Variants in SHROOM4 observed in about 807,000 individuals in gnomAD.
SHROOM4 encodes the protein protein Shroom4.
A neutral mutation model predicts 80.3 loss-of-function variants in SHROOM4; 17 were observed. The observed-to-expected ratio is 0.21, with a 90% confidence interval of 0.14 to 0.32. SHROOM4 has a LOEUF of 0.32. Ranked by LOEUF, SHROOM4 falls within the 10% of genes least tolerant of loss-of-function variation. The probability of loss-of-function intolerance (pLI) is 1.00; values close to 1 mark genes in which losing one functional copy is unlikely to be tolerated. For missense variants in SHROOM4, 993 were observed against 1,140.3 expected, an observed-to-expected ratio of 0.87 and a Z score of 1.86; for synonymous variants, 400 against 437.5, an observed-to-expected ratio of 0.91 and a Z score of 1.07.
intron 1 of SHROOM4, among the ~76,000 whole-genome samples, chrX:50,763,017 C>A (rs975228239): frequency 1.8e-5 from 2 of 111,272 alleles, no homozygotes; most frequent in Admixed American, 9.6e-5. Context: ...CCTTGCAGTA[C>A]TTTTATCATG....
chrX:50,711,884 C>T (rs1290103962), intron 1 of SHROOM4, among the ~76,000 whole-genome samples: 1 of 112,473 alleles, frequency 8.9e-6, no homozygotes, highest in African/African-American at 3.2e-5. Context: ...TATGCATGAA[C>T]TGAAATCGTA....
At chrX:50,795,366 C>T (rs1935989711) in intron 1 of SHROOM4, among the ~76,000 whole-genome samples, 1 of 108,406 alleles carries the variant, frequency 9.2e-6, no homozygotes, top group Non-Finnish European at 1.9e-5. Flanking sequence ...TCAGAAGTTC[C>T]TAAAGCCTAG....
chrX:50,781,565 T>C (rs1935626034), intron 1 of SHROOM4, among the ~76,000 whole-genome samples: 1 of 105,953 alleles, frequency 9.4e-6, no homozygotes, highest in South Asian at 4.3e-4. Context: ...GGATGGGGAG[T>C]GGGGGGGATG....
intron 2 of SHROOM4, among the ~76,000 whole-genome samples, chrX:50,689,328 T>A (rs1933162629): frequency 8.9e-6 from 1 of 111,766 alleles, no homozygotes; most frequent in African/African-American, 3.2e-5. Context: ...AAGGGAATCT[T>A]ACATGAGGGT....
chrX:50,754,097 C>T (rs782427291), intron 1 of SHROOM4, among the ~76,000 whole-genome samples: 2 of 112,091 alleles, frequency 1.8e-5, no homozygotes, highest in African/African-American at 6.5e-5. Context: ...AAAGCGCTTC[C>T]CAAAGAAATG....
intron 2 of SHROOM4, among the ~76,000 whole-genome samples, chrX:50,688,631 T>A (rs782694829): frequency 1.8e-5 from 2 of 111,054 alleles, no homozygotes; most frequent in South Asian, 7.6e-4. Flanking sequence ...ATGGCAAAAT[T>A]GAGTTGTGGC....
At chrX:50,614,704 G>C (rs7880497) in intron 5 of SHROOM4, among the ~76,000 whole-genome samples, 4,629 of 112,073 alleles carry the variant, frequency 0.041, 216 homozygotes, top group African/African-American at 0.14. Context: ...TGACCCAGTA[G>C]TTCAACTTCT....
intron 5 of SHROOM4, among the ~76,000 whole-genome samples, chrX:50,611,144 CTTT>C (rs782473243): frequency 7.3e-5 from 5 of 68,220 alleles, no homozygotes; most frequent in African/African-American, 2.5e-4. Flanking sequence ...TTCTTTTTTT[CTTT>C]TTTTTTTTTT....
intron 1 of SHROOM4, among the ~76,000 whole-genome samples, chrX:50,771,911 A>C (rs1935401714): frequency 8.9e-6 from 1 of 111,955 alleles, no homozygotes; most frequent in Admixed American, 9.5e-5. Context: ...TGATACCATT[A>C]AAGTGATTCT....
chrX:50,626,205 C>T (rs368071400), intron 5 of SHROOM4, among the ~76,000 whole-genome samples: 28 of 111,462 alleles, frequency 2.5e-4, no homozygotes, highest in African/African-American at 8.2e-4. Flanking sequence ...GGGGATTATT[C>T]CTCCAACACA....
rs782732383 is a variant in SHROOM4 at position 50,692,791 on chromosome X, G to T, written c.269+2995C>A. On this transcript the variant is annotated intron_variant, in intron 2 of 8. Transcript: ENST00000376020. ...ACCAGCAGGTAATAGAAGTCAGTGGGATCCTACATAACCTCATTCTTCCTA... is the reference window on the plus strand; with the variant it reads ...ACCAGCAGGTAATAGAAGTCAGTGGTATCCTACATAACCTCATTCTTCCTA... Among the ~76,000 whole-genome samples, 4 of 111,872 alleles carry T rather than the reference G, an allele frequency of 3.6e-5. No homozygotes were observed. In the Admixed American group the frequency reaches 3.8e-4, roughly 11 times the overall value.
intron 2 of SHROOM4, among the ~76,000 whole-genome samples, chrX:50,687,606 A>C (rs1440078342): frequency 9.0e-6 from 1 of 110,823 alleles, no homozygotes; most frequent in Non-Finnish European, 1.9e-5. Context: ...ACAACAACAA[A>C]GACAGGACAG....
At chrX:50,631,879 T>C (rs1931085678) in intron 4 of SHROOM4, among the ~76,000 whole-genome samples, 1 of 112,077 alleles carries the variant, frequency 8.9e-6, no homozygotes, top group African/African-American at 3.2e-5. Context: ...GTACAAGATT[T>C]GTATGCTGAA....
Position 50,685,061 on chromosome X carries a change from T to C in SHROOM4, c.269+10725A>G, listed in dbSNP as rs1298365730. On this transcript the variant is annotated intron_variant, in intron 2 of 8. Coordinates refer to ENST00000376020, the MANE Select transcript of SHROOM4 (RefSeq NM_020717.5). ...CTGCTGATTGAAATAAATACAGAGA[T>C]GTACTTTAGGAAGATTAATTTGGCA... Among the ~76,000 whole-genome samples the C allele has an allele frequency of 2.0e-4, 22 of 111,670 alleles. No homozygotes were observed. The Admixed American group carries it at 2.1e-3, about 11-fold the overall frequency.
chrX:50,645,892 G>C (rs1557257847), intron 2 of SHROOM4, among the ~76,000 whole-genome samples: 1 of 111,440 alleles, frequency 9.0e-6, no homozygotes, highest in African/African-American at 3.3e-5. Context: ...CCCAGGAGAG[G>C]CCTTATAAAG....
At chrX:50,752,224 C>T (rs5961149) in intron 1 of SHROOM4, among the ~76,000 whole-genome samples, 1 of 111,666 alleles carries the variant, frequency 9.0e-6, no homozygotes, top group Non-Finnish European at 1.9e-5. Context: ...AGTCCTCTGG[C>T]AAATTTGGTC....
chrX:50,681,590 C>G (rs1270720606), intron 2 of SHROOM4, among the ~76,000 whole-genome samples: 1 of 111,923 alleles, frequency 8.9e-6, no homozygotes, highest in Non-Finnish European at 1.9e-5. Context: ...TAAAGTCTCC[C>G]CTGCCCCTGC....
In SHROOM4 at chrX:50,652,067, G is replaced by C. The variant is rs150350274; in HGVS notation, c.270-13759C>G. On this transcript the variant is annotated intron_variant, in intron 2 of 8. Transcript: ENST00000376020. The stretch of plus-strand genomic sequence containing the variant: ...TACGTGTACATGTGTCTTTACAGTA[G>C]AGTGACTTATAATCCTTTGGGTATA... Among the ~76,000 whole-genome samples the C allele has an allele frequency of 5.7e-3, 635 of 111,921 alleles. 6 individuals carry two copies. Among genetic ancestry groups the C allele is most frequent in the African/African-American group, 0.02 (612 of 30,788 alleles).
rs1285609113 is a variant in SHROOM4 at position 50,593,930 on chromosome X, G to A, written c.*2765C>T. 1 of 112,115 alleles carries A rather than the reference G, an allele frequency of 8.9e-6. No individual in the cohort carries two copies. Among genetic ancestry groups the A allele is most frequent in the African/African-American group, 3.2e-5 (1 of 30,787 alleles). 9.2% of individuals were successfully genotyped at this position (112,115 alleles called of 1,213,427 possible). A position where few individuals can be genotyped will look rare whatever the true frequency, so the allele number is the denominator to read the frequency against. On this transcript the variant is annotated 3_prime_UTR_variant, in exon 9 of 9. Coordinates refer to ENST00000376020, the MANE Select transcript of SHROOM4 (RefSeq NM_020717.5). ...CTATATCCTGGTTGAGTCTCCAGCT[G>A]TGGGACTCAGGAAGATTCAATTATC...
Sources: allele counts gnomAD v4.1 joint callset (sites outside exome capture counted in the v4.1 genomes callset), GRCh38; gene constraint gnomAD v4.1.1; transcripts MANE v1.5; gene names NCBI Gene and HGNC (gene_info 2026-07-23, HGNC 2026-07-21).